Variants in CHST9 observed in about 807,000 individuals in gnomAD.
CHST9 encodes the protein carbohydrate sulfotransferase 9.
In CHST9, 41 loss-of-function variants were observed where a neutral mutation model predicts 44.4. The observed-to-expected ratio is 0.92, with a 90% CI of 0.72 to 1.20. The LOEUF is 1.20. Among genes scored for constraint, CHST9 ranks in the 50% most tolerant of loss-of-function variants. CHST9 has a pLI of 0.00. For synonymous variants in CHST9, 171 were observed against 178.4 expected, an observed-to-expected ratio of 0.96 and a Z score of 0.33; for missense variants, 504 against 516.5, an observed-to-expected ratio of 0.98 and a Z score of 0.23.
chr18:26,968,961 C>A (rs1214836260), intron 4 of CHST9, among the ~76,000 whole-genome samples: 2 of 151,916 alleles, frequency 1.3e-5, no homozygotes, highest in Non-Finnish European at 2.9e-5. Context: ...TCTACACTCA[C>A]TCTGTTCCAT....
At chr18:27,060,452 C>G (rs988299549) in intron 2 of CHST9, among the ~76,000 whole-genome samples, 1 of 152,140 alleles carries the variant, frequency 6.6e-6, no homozygotes, top group Non-Finnish European at 1.5e-5. Flanking sequence ...GTGCAGCTCA[C>G]CAGAAGGGCG....
chr18:26,988,457 C>A (rs2056779114), intron 4 of CHST9, among the ~76,000 whole-genome samples: 1 of 152,052 alleles, frequency 6.6e-6, no homozygotes, highest in African/African-American at 2.4e-5. Context: ...TAAAGAAGGT[C>A]ATATCATAAT....
rs2055422627 is a variant in CHST9, at chr18:26,910,249, T to C, written c.*6010A>G. On this transcript the variant is annotated 3_prime_UTR_variant, in exon 6 of 6. Coordinates refer to ENST00000618847, the MANE Select transcript of CHST9 (RefSeq NM_031422.6). ...CTTCCCCAAACAATGAAATACTGTT[T>C]GGAGATCCCACTGGATATAGGACCA... 6.6e-6 allele frequency: 1 copy of C among 152,158 alleles called. No individual in the cohort carries two copies. 9.4% of individuals were successfully genotyped at this position (152,158 alleles called of 1,614,324 possible). A position where few individuals can be genotyped will look rare whatever the true frequency, so the allele number is the denominator to read the frequency against.
At chr18:26,995,417 G>A (rs1192289569) in intron 4 of CHST9, among the ~76,000 whole-genome samples, 15 of 138,876 alleles carry the variant, frequency 1.1e-4, no homozygotes, top group African/African-American at 3.8e-4. Context: ...CAACCCGGGT[G>A]ACAGAGCGAG....
intron 2 of CHST9, among the ~76,000 whole-genome samples, chr18:27,128,793 G>C (rs2058447196): frequency 6.6e-6 from 1 of 152,166 alleles, no homozygotes; most frequent in Non-Finnish European, 1.5e-5. Flanking sequence ...CTTGGAAACT[G>C]GCAAAATGAA....
chr18:26,989,863 T>A (rs1332540957), intron 4 of CHST9, among the ~76,000 whole-genome samples: 2 of 152,092 alleles, frequency 1.3e-5, no homozygotes, highest in East Asian at 3.9e-4. Flanking sequence ...GGCACAAGAA[T>A]GGCTTGAACC....
intron 4 of CHST9, among the ~76,000 whole-genome samples, chr18:26,990,519 TA>T (rs1303552531): frequency 6.6e-6 from 1 of 152,224 alleles, no homozygotes; most frequent in Non-Finnish European, 1.5e-5. Context: ...CTTCCAAAAA[TA>T]ATCTGTAGCC....
chr18:27,027,113 G>A (rs2057292531), intron 3 of CHST9, among the ~76,000 whole-genome samples: 2 of 152,178 alleles, frequency 1.3e-5, no homozygotes, highest in Admixed American at 6.5e-5. Context: ...TCAAGTGAGA[G>A]AACACAAATA....
At chr18:26,927,461 T>A (rs2055790311) in intron 5 of CHST9, among the ~76,000 whole-genome samples, 1 of 152,072 alleles carries the variant, frequency 6.6e-6, no homozygotes, top group Non-Finnish European at 1.5e-5. Flanking sequence ...ATCTCTACCA[T>A]CTCTGAGAGG....
chr18:26,944,396 A>G (rs1745997565), intron 4 of CHST9, 30 bp from the exon 5 acceptor site: 2 of 1,532,856 alleles, frequency 1.3e-6, no homozygotes, highest in Non-Finnish European at 9.0e-7. Flanking sequence ...GAATTTTTAC[A>G]TTAAAGCATG....
At chr18:27,171,348 C>T (rs2058832404) in intron 1 of CHST9, among the ~76,000 whole-genome samples, 1 of 152,130 alleles carries the variant, frequency 6.6e-6, no homozygotes, top group Non-Finnish European at 1.5e-5. Flanking sequence ...TACATGAGTC[C>T]TCCTAGAAGA....
At chr18:27,022,095 A>G (rs1034838910) in intron 4 of CHST9, among the ~76,000 whole-genome samples, 4 of 152,190 alleles carry the variant, frequency 2.6e-5, no homozygotes, top group African/African-American at 9.7e-5. Context: ...TCTCTGACCT[A>G]TGAATTGCAT....
At chr18:26,943,099 T>C (rs1015917166) in intron 5 of CHST9, among the ~76,000 whole-genome samples, 1 of 151,646 alleles carries the variant, frequency 6.6e-6, no homozygotes, top group East Asian at 1.9e-4. Flanking sequence ...AGAGCGAGAC[T>C]CCGTCTAAAA....
intron 2 of CHST9, among the ~76,000 whole-genome samples, chr18:27,139,737 G>A (rs568774244): frequency 1.3e-4 from 20 of 152,188 alleles, no homozygotes; most frequent in South Asian, 6.2e-4. Flanking sequence ...AAGAATCAGG[G>A]AAAGCACTTC....
chr18:27,004,178 T>C (rs1303166380), intron 4 of CHST9, among the ~76,000 whole-genome samples: 1 of 150,854 alleles, frequency 6.6e-6, no homozygotes, highest in East Asian at 1.9e-4. Context: ...GAATGAAAGA[T>C]AGGCTTGTAA....
chr18:27,021,601 G>A (rs191426386), intron 4 of CHST9, among the ~76,000 whole-genome samples: 182 of 152,202 alleles, frequency 1.2e-3, no homozygotes, highest in African/African-American at 4.3e-3. Flanking sequence ...TTTCAGGATG[G>A]GCTTTTAATT....
At chr18:26,949,178 G>T (rs146848741) in intron 4 of CHST9, among the ~76,000 whole-genome samples, 121 of 152,294 alleles carry the variant, frequency 7.9e-4, no homozygotes, top group African/African-American at 2.6e-3. Context: ...GGCAGAAGGG[G>T]TGCGGGCTTG....
chr18:27,161,251 G>T (rs1204262007), intron 1 of CHST9, among the ~76,000 whole-genome samples: 1 of 152,160 alleles, frequency 6.6e-6, no homozygotes, highest in Non-Finnish European at 1.5e-5. Context: ...GGCATTTAGT[G>T]TTATAAATTT....
rs538914240 is a variant in CHST9, at chr18:27,131,312, G to T, written c.121+11377C>A. On this transcript the variant is annotated intron_variant, in intron 2 of 5. Transcript: ENST00000618847. ...CGCCTGTAATCTCAGCACTTTGGGA[G>T]GATGAGGCAGGTGGATCACCTGAGG... Among the ~76,000 whole-genome samples the T allele has an allele frequency of 2.5e-4, 38 of 152,246 alleles. 1 individual carries two copies. In the East Asian group the frequency reaches 6.6e-3, roughly 26 times the overall value.
Sources: gnomAD v4.1 joint callset for allele counts (sites outside exome capture counted in the v4.1 genomes callset) on GRCh38, gnomAD v4.1.1 for gene constraint, MANE v1.5 for transcripts, NCBI Gene and HGNC (gene_info 2026-07-23, HGNC 2026-07-21) for gene names.